The following SMCHD1 variants were observed in gnomAD, a reference collection of about 807,000 sequenced individuals.
SMCHD1 encodes the protein structural maintenance of chromosomes flexible hinge domain-containing protein 1.
Under a neutral mutation model 254.7 loss-of-function variants are expected in SMCHD1, and 78 were observed. The ratio of observed to expected loss-of-function variants is 0.31; its 90% CI spans 0.26 to 0.37. The LOEUF is 0.37. Ranked by LOEUF, SMCHD1 falls within the 10% of genes least tolerant of loss-of-function variation. The pLI is 1.00. For synonymous variants in SMCHD1, 766 were observed against 794.9 expected (o/e 0.96, Z 0.61); for missense variants, 1,840 against 2,408.1 (o/e 0.76, Z 4.94).
At position 2,705,677 on chromosome 18, in the gene SMCHD1, T is replaced by G; in HGVS notation, c.1843-17T>G. On this transcript the variant is annotated splice_polypyrimidine_tract_variant and intron_variant, in intron 13 of 47. Coordinates refer to ENST00000320876, the MANE Select transcript of SMCHD1 (RefSeq NM_015295.3). ...TTAATACTGAAGCTTTTTTTTTTTTTAAAAACTAAATATTAGGTCAAGACA... is the reference window on the plus strand; with the variant it reads ...TTAATACTGAAGCTTTTTTTTTTTTGAAAAACTAAATATTAGGTCAAGACA... 8.2e-7 allele frequency: 1 copy of G among 1,225,934 alleles called. No individual in the cohort carries two copies. Among genetic ancestry groups the G allele is most frequent in the Non-Finnish European group, 1.1e-6 (1 of 881,996 alleles). The allele number at this position is 1,225,934 out of a possible 1,614,324, so 75.9% of individuals were successfully genotyped here.
rs146436397 is a variant in SMCHD1, at chr18:2,767,694, A to G, written c.4720-2000A>G. ...AACCTCCGCCTCCTGGGTTCAAACA[A>G]TCCTCCCACCTCAGCCTCCCGAGTA... On this transcript the variant is annotated intron_variant, in intron 37 of 47. Coordinates refer to ENST00000320876, the MANE Select transcript of SMCHD1 (RefSeq NM_015295.3). Among the ~76,000 whole-genome samples, 764 of 149,234 alleles carry G rather than the reference A, an allele frequency of 5.1e-3. 4 individuals are homozygous for G. The highest frequency in any genetic ancestry group is 0.017 in the African/African-American group (689 of 40,624).
chr18:2,685,094 A>AGTTT (rs2074013689), intron 5 of SMCHD1, among the ~76,000 whole-genome samples: 2 of 81,880 alleles, frequency 2.4e-5, no homozygotes, highest in Non-Finnish European at 4.3e-5. Context: ...TCTGTCCCTT[A>AGTTT]TTTTTTTCTT....
chr18:2,663,213 G>C (rs1181072004), intron 1 of SMCHD1, among the ~76,000 whole-genome samples: 1 of 151,918 alleles, frequency 6.6e-6, no homozygotes, highest in East Asian at 1.9e-4. Context: ...TCAGGGGATC[G>C]TCCAACCTCA....
chr18:2,707,601 A>G lies in SMCHD1; in HGVS notation c.2102A>G (p.Asp701Gly). The change falls in exon 16 of 48, where the codon GAT becomes GGT. Residue 701 changes from aspartate (D) to glycine (G), a missense_variant. Around this residue, in one of 9 missense-constraint regions of SMCHD1, gnomAD observed 498 missense variants for 743.5 expected, o/e 0.67. Transcript: ENST00000320876. Reference protein sequence around the residue: ...DRLSVTWPEGDELLPNEVRPA... With the variant: ...DRLSVTWPEGGELLPNEVRPA... ...TTGTCAGTAACTTGGCCTGAAGGAG[A>G]TGAATTATTGCCTAATGAGGTTAGG... The G allele has an allele frequency of 6.2e-7, 1 of 1,609,358 alleles. No individual in the cohort carries two copies. Among genetic ancestry groups the G allele is most frequent in the South Asian group, 1.1e-5 (1 of 90,332 alleles).
chr18:2,686,684 CTG>C (rs1370386214), intron 5 of SMCHD1, among the ~76,000 whole-genome samples: 1 of 151,584 alleles, frequency 6.6e-6, no homozygotes, highest in African/African-American at 2.4e-5. Flanking sequence ...GAGGCATTTT[CTG>C]TGTGTTATTT....
Position 2,788,807 on chromosome 18 carries a change from G to A in SMCHD1, c.5719+4186G>A, listed in dbSNP as rs545927434. Among the ~76,000 whole-genome samples, 11 of 151,932 alleles carry A rather than the reference G, an allele frequency of 7.2e-5. No individual in the cohort carries two copies. The East Asian group carries it at 1.2e-3, about 16-fold the overall frequency. ...GAGATGGGGTTTCACCATGTTGGCC[G>A]GGCTGGTCTCGAACTCCTGCCCTCA... is the stretch of plus-strand genomic sequence containing the variant. On this transcript the variant is annotated intron_variant, in intron 45 of 47. Coordinates refer to ENST00000320876, the MANE Select transcript of SMCHD1 (RefSeq NM_015295.3).
rs543261094 is a variant in SMCHD1 at position 2,660,891 on chromosome 18, C to A, written c.186+4630C>A. Among the ~76,000 whole-genome samples, 216 of 152,176 alleles carry A rather than the reference C, an allele frequency of 1.4e-3. 1 individual carries two copies. Among genetic ancestry groups the A allele is most frequent in the African/African-American group, 4.9e-3 (203 of 41,502 alleles). On this transcript the variant is annotated intron_variant, in intron 1 of 47. Coordinates refer to ENST00000320876, the MANE Select transcript of SMCHD1 (RefSeq NM_015295.3). ...TATGGATTAATTTTAAAGTTTATTG[C>A]AGCACTATTTACAATAGTAAAGACG...
At chr18:2,748,968 G>A (rs943677844) in intron 30 of SMCHD1, among the ~76,000 whole-genome samples, 3 of 152,236 alleles carry the variant, frequency 2.0e-5, no homozygotes, top group African/African-American at 7.2e-5. Flanking sequence ...TCGTATGGAA[G>A]ATTAAAGTGC....
At chr18:2,716,061 G>T (rs547038612) in intron 17 of SMCHD1, among the ~76,000 whole-genome samples, 26 of 152,108 alleles carry the variant, frequency 1.7e-4, no homozygotes, top group Non-Finnish European at 3.4e-4. Flanking sequence ...GTTGGGGCAG[G>T]ACTTATTTTT....
At chr18:2,726,390 T>G (rs191653637) in intron 21 of SMCHD1, 62 bp from the exon 22 acceptor site, 2 of 850,160 alleles carry the variant, frequency 2.4e-6, no homozygotes, top group Non-Finnish European at 3.6e-6. Context: ...AGAATTGATG[T>G]GATAAACTAC....
rs532064259 is a variant in SMCHD1, at chr18:2,707,361, T to C, written c.2064-202T>C. 6.9e-4 allele frequency: 238 copies of C among 343,192 alleles called. No individual in the cohort carries two copies. The East Asian group carries it at 7.3e-3, about 10-fold the overall frequency. The allele number at this position is 343,192 out of a possible 1,614,324, so 21.3% of individuals were successfully genotyped here. A position where few individuals can be genotyped will look rare whatever the true frequency, so the allele number is the denominator to read the frequency against. ...CTTTTAATTCCAAAAGGTTTTTTTTTTTCTTCTTCTTTTTTTTCAGTAGCC... is the reference window on the plus strand; with the variant it reads ...CTTTTAATTCCAAAAGGTTTTTTTTCTTCTTCTTCTTTTTTTTCAGTAGCC... On this transcript the variant is annotated intron_variant, in intron 15 of 47. Transcript: ENST00000320876.
intron 30 of SMCHD1, among the ~76,000 whole-genome samples, chr18:2,748,064 C>G (rs2075490381): frequency 6.6e-6 from 1 of 152,150 alleles, no homozygotes; most frequent in African/African-American, 2.4e-5. Flanking sequence ...TACCTATCCT[C>G]TACTTATCTT....
chr18:2,804,414 G>A lies in SMCHD1; in HGVS notation c.*1862G>A, dbSNP rs556975350. 1.3e-5 allele frequency: 2 copies of A among 152,228 alleles called. No homozygotes were observed. Among genetic ancestry groups the A allele is most frequent in the East Asian group, 3.9e-4 (2 of 5,186 alleles). 9.4% of individuals were successfully genotyped at this position (152,228 alleles called of 1,614,324 possible). A position where few individuals can be genotyped will look rare whatever the true frequency, so the allele number is the denominator to read the frequency against. ...GCCTCCTAAGTAGCAGGGATTACAG[G>A]CATGCACCCACATGCCAATTTTTAT... On this transcript the variant is annotated 3_prime_UTR_variant, in exon 48 of 48. Transcript: ENST00000320876.
At chr18:2,674,975 A>G (rs540806543) in intron 5 of SMCHD1, among the ~76,000 whole-genome samples, 1 of 152,228 alleles carries the variant, frequency 6.6e-6, no homozygotes, top group African/African-American at 2.4e-5. Flanking sequence ...GCCATTTAAG[A>G]GACAAGGTAG....
chr18:2,751,217 A>T, intron 32 of SMCHD1, 61 bp from the exon 33 acceptor site: 1 of 888,000 alleles, frequency 1.1e-6, no homozygotes, highest in South Asian at 1.5e-5. Context: ...GCATACAATT[A>T]TTTAACCATA....
intron 5 of SMCHD1, among the ~76,000 whole-genome samples, chr18:2,679,534 A>C (rs577906901): frequency 3.4e-4 from 48 of 141,474 alleles, no homozygotes; most frequent in African/African-American, 1.1e-3. Context: ...GTCTTTCAAC[A>C]CTTTGAATAT....
intron 12 of SMCHD1, among the ~76,000 whole-genome samples, chr18:2,702,649 G>A (rs1336540174): frequency 6.6e-6 from 1 of 152,122 alleles, no homozygotes; most frequent in Admixed American, 6.5e-5. Context: ...CAATTTCCCA[G>A]AAACTGTATA....
chr18:2,796,517 A>AAT lies in SMCHD1; in HGVS notation c.5991_5992dup (p.Arg1998IlefsTer4). On this transcript the variant is annotated frameshift_variant, in exon 47 of 48. Transcript: ENST00000320876. LOFTEE classifies it high-confidence loss of function. ...AATGAGACGAGAAGCTACAAGACAAAATAGGTGAGTTTGTTTGACCTGAGA... is the reference window on the plus strand; with the variant it reads ...AATGAGACGAGAAGCTACAAGACAAAATATAGGTGAGTTTGTTTGACCTGAGA... 1 of 1,580,484 alleles carries AAT rather than the reference A, an allele frequency of 6.3e-7. No homozygotes were observed. Among genetic ancestry groups the AAT allele is most frequent in the South Asian group, 1.2e-5 (1 of 86,930 alleles).
chr18:2,714,241 A>AT (rs1039406330), intron 17 of SMCHD1, among the ~76,000 whole-genome samples: 11 of 152,110 alleles, frequency 7.2e-5, no homozygotes, highest in Non-Finnish European at 1.3e-4. Context: ...ACATTATATA[A>AT]TTTTTTTAAC....
Sources: allele counts gnomAD v4.1 joint callset (sites outside exome capture counted in the v4.1 genomes callset), GRCh38; gene constraint gnomAD v4.1.1; regional missense constraint gnomAD v4.1.1; transcripts MANE v1.5; gene names NCBI Gene and HGNC (gene_info 2026-07-23, HGNC 2026-07-21).